Variants in TMEM37 observed in about 807,000 individuals in gnomAD.
The protein encoded by TMEM37 is transmembrane protein 37, also known as voltage-dependent calcium channel gamma-like subunit.
Under a neutral mutation model 11.0 loss-of-function variants are expected in TMEM37, and 12 were observed. The observed-to-expected ratio is 1.09, with a 90% CI of 0.70 to 1.76. The LOEUF is 1.76. TMEM37 is among the 40% of genes most tolerant of loss of function. TMEM37 has a pLI of 0.00. For missense variants in TMEM37, 203 were observed against 251.2 expected (o/e 0.81, Z 1.30); for synonymous variants, 127 against 110.5 (o/e 1.15, Z -0.94).
chr2:119,430,608 C>T (rs1682374792), upstream of TMEM37, among the ~76,000 whole-genome samples: 1 of 152,254 alleles, frequency 6.6e-6, no homozygotes, highest in African/African-American at 2.4e-5. Flanking sequence ...TCACATGGCT[C>T]TAAAGGGGAA....
Position 119,436,980 on chromosome 2 carries a change from T to C in TMEM37, c.113T>C (p.Val38Ala), listed in dbSNP as rs1682509804. Residue 38 changes from valine (V) to alanine (A), a missense_variant, in exon 2 of 2, where the codon GTG (valine) becomes GCG (alanine). By Grantham distance (64) the Val-to-Ala change is moderately conservative (BLOSUM62 0). Transcript: ENST00000306406. Reference protein sequence around the residue: ...TLIITCVALAVVLSSVSICDG... With the variant: ...TLIITCVALAAVLSSVSICDG... ...ATCATCACGTGTGTGGCCCTGGCTG[T>C]GGTCCTGTCCTCGGTCTCCATTTGT... is the stretch of plus-strand genomic sequence containing the variant. 6.2e-7 allele frequency: 1 copy of C among 1,614,264 alleles called. No homozygotes were observed. Among genetic ancestry groups the C allele is most frequent in the Non-Finnish European group, 8.5e-7 (1 of 1,180,046 alleles).
chr2:119,434,997 T>C lies in TMEM37; in HGVS notation c.22-1892T>C, dbSNP rs1450522589. 2.0e-5 allele frequency among the ~76,000 whole-genome samples: 3 copies of C among 152,210 alleles called. No individual in the cohort carries two copies. The East Asian group carries it at 5.8e-4, about 29-fold the overall frequency. ...AACGGATTCCACCTCCTGCATATCA[T>C]ACAATTGTCTGGGCAGCCATAAAGA... On this transcript the variant is annotated intron_variant, in intron 1 of 1. Coordinates refer to ENST00000306406, the MANE Select transcript of TMEM37 (RefSeq NM_183240.3).
At position 119,437,576 on chromosome 2, in the gene TMEM37, TA is replaced by T. The variant is rs1682528408; in HGVS notation, c.*138del. 1 of 1,222,044 alleles carries T rather than the reference TA, an allele frequency of 8.2e-7. No homozygotes were observed. The highest frequency in any genetic ancestry group is 1.5e-5 in the African/African-American group (1 of 65,930). 75.7% of individuals were successfully genotyped at this position (1,222,044 alleles called of 1,614,324 possible). On this transcript the variant is annotated 3_prime_UTR_variant, in exon 2 of 2. Transcript: ENST00000306406. ...CTTGAAACGGCTGCCTGTTTGCCGA[TA>T]ACTTGTGGGTGGTCAGCCAGAAATG...
At chr2:119,430,097 T>C (rs912803779), upstream of TMEM37, 51 of 897,270 alleles carry the variant, frequency 5.7e-5, no homozygotes, top group African/African-American at 8.0e-4. Context: ...GTGGGCTCTT[T>C]ATCCAGAACC....
In TMEM37 at chr2:119,431,864, C is replaced by A; in HGVS notation, c.-40C>A. On this transcript the variant is annotated 5_prime_UTR_variant, in exon 1 of 2. The change creates a new upstream start codon in the 5' untranslated region. Transcript: ENST00000306406. Reference sequence around the variant, plus strand: ...GGCGCCGGCGGCCACAGCGGAGCAGCTGGAGCGATCGAGGCTGCAGCGCGG... The same window carrying A: ...GGCGCCGGCGGCCACAGCGGAGCAGATGGAGCGATCGAGGCTGCAGCGCGG... The A allele has an allele frequency of 8.1e-7, 1 of 1,233,822 alleles. No homozygotes were observed. Among genetic ancestry groups the A allele is most frequent in the Non-Finnish European group, 1.0e-6 (1 of 989,668 alleles). The allele number at this position is 1,233,822 out of a possible 1,614,324, so 76.4% of individuals were successfully genotyped here.
intron 1 of TMEM37, among the ~76,000 whole-genome samples, chr2:119,433,389 G>A (rs1052249622): frequency 1.1e-4 from 17 of 152,252 alleles, no homozygotes; most frequent in African/African-American, 3.6e-4. Flanking sequence ...CTCATCAGGA[G>A]GCTGTGAACT....
intron 1 of TMEM37, among the ~76,000 whole-genome samples, chr2:119,435,874 G>A (rs1229820702): frequency 6.6e-6 from 1 of 152,192 alleles, no homozygotes; most frequent in African/African-American, 2.4e-5. Flanking sequence ...GAGAAGAGGT[G>A]TTGTCCTGGA....
At chr2:119,434,579 C>T (rs891005421) in intron 1 of TMEM37, among the ~76,000 whole-genome samples, 12 of 152,032 alleles carry the variant, frequency 7.9e-5, no homozygotes, top group African/African-American at 2.9e-4. Context: ...GCTTCCCTGC[C>T]CACCCGGCTT....
chr2:119,430,097 T>A, upstream of TMEM37: 1 of 897,270 alleles, frequency 1.1e-6, no homozygotes, highest in Non-Finnish European at 1.7e-6. Context: ...GTGGGCTCTT[T>A]ATCCAGAACC....
At chr2:119,436,332 C>T (rs550939527) in intron 1 of TMEM37, among the ~76,000 whole-genome samples, 13 of 152,274 alleles carry the variant, frequency 8.5e-5, no homozygotes, top group Admixed American at 3.3e-4. Flanking sequence ...CCAAGAAAAA[C>T]GAGGCAATAA....
intron 1 of TMEM37, among the ~76,000 whole-genome samples, chr2:119,434,458 T>C (rs1272188619): frequency 8.1e-6 from 1 of 123,684 alleles, no homozygotes; most frequent in Non-Finnish European, 1.6e-5. Flanking sequence ...TACCGGTAGA[T>C]TTTTTTTTTT....
At chr2:119,434,603 C>G (rs751942798) in intron 1 of TMEM37, among the ~76,000 whole-genome samples, 22 of 152,122 alleles carry the variant, frequency 1.4e-4, no homozygotes, top group Non-Finnish European at 2.1e-4. Flanking sequence ...CACTGGAAGC[C>G]CCACCAGGAG....
chr2:119,431,902 G>A lies in TMEM37; in HGVS notation c.-2G>A, dbSNP rs1171022423. On this transcript the variant is annotated 5_prime_UTR_variant, in exon 1 of 2. Coordinates refer to ENST00000306406, the MANE Select transcript of TMEM37 (RefSeq NM_183240.3). ...GGCTGCAGCGCGGCCGCCGGGCGCA[G>A]CATGACTGCCGTCGGCGTGCAGGTA... The A allele has an allele frequency of 2.7e-5, 33 of 1,226,456 alleles. No individual in the cohort carries two copies. The highest frequency in any genetic ancestry group is 3.1e-5 in the Non-Finnish European group (31 of 984,752). 76.0% of individuals were successfully genotyped at this position (1,226,456 alleles called of 1,614,324 possible).
intron 1 of TMEM37, among the ~76,000 whole-genome samples, chr2:119,432,476 G>T (rs1455637708): frequency 6.6e-6 from 1 of 152,134 alleles, no homozygotes; most frequent in East Asian, 1.9e-4. Flanking sequence ...CTCAGGGAAA[G>T]GCTCTGGCGA....
chr2:119,430,590 CCT>C (rs1184971816), upstream of TMEM37, among the ~76,000 whole-genome samples: 2 of 152,208 alleles, frequency 1.3e-5, no homozygotes, highest in Non-Finnish European at 2.9e-5. Flanking sequence ...TGTAACTACC[CCT>C]CTTTCTCACA....
rs944407962 is a variant in TMEM37, at chr2:119,437,117, C to T, written c.250C>T (p.Leu84=). 3 of 1,613,950 alleles carry T rather than the reference C, an allele frequency of 1.9e-6. No individual in the cohort carries two copies. The highest frequency in any genetic ancestry group is 2.7e-5 in the African/African-American group (2 of 74,946). The change falls in exon 2 of 2, where the codon CTG becomes TTG. Residue 84 remains leucine, a synonymous_variant. Transcript: ENST00000306406. ...CCTGGGCCAGGCCCATGTGCCCGGG[C>T]TGGCCGTGGGCATGGGCCTGGTACG... ...RDLGQAHVPG[L]AVGMGLVRSV... is the part of the protein sequence containing the mutation.
chr2:119,430,163 G>C (rs1682365542), upstream of TMEM37: 3 of 639,256 alleles, frequency 4.7e-6, no homozygotes, highest in African/African-American at 3.6e-5. Flanking sequence ...AAGCAGGTGG[G>C]GGCCACGGAG....
intron 1 of TMEM37, among the ~76,000 whole-genome samples, chr2:119,436,089 C>G (rs1001291277): frequency 6.6e-6 from 1 of 152,120 alleles, no homozygotes; most frequent in Non-Finnish European, 1.5e-5. Flanking sequence ...GGGTGCAGTG[C>G]CCGGGTGGTG....
rs779100217 is a variant in TMEM37, at chr2:119,436,912, G to A, written c.45G>A (p.Arg15=). ...GVQAQRPLGQ[R]QPRRSFFESF... Reference sequence around the variant, plus strand: ...AGGCCCAGAGGCCTTTGGGCCAAAGGCAGCCCCGCCGGTCCTTCTTTGAAT... The same window carrying A: ...AGGCCCAGAGGCCTTTGGGCCAAAGACAGCCCCGCCGGTCCTTCTTTGAAT... The change falls in exon 2 of 2, where the codon AGG becomes AGA. Residue 15 remains arginine, a synonymous_variant. Coordinates refer to ENST00000306406, the MANE Select transcript of TMEM37 (RefSeq NM_183240.3). 33 of 1,613,778 alleles carry A rather than the reference G, an allele frequency of 2.0e-5. No homozygotes were observed. Among genetic ancestry groups the A allele is most frequent in the Non-Finnish European group, 2.7e-5 (32 of 1,179,894 alleles).
Sources: allele counts gnomAD v4.1 joint callset (sites outside exome capture counted in the v4.1 genomes callset), GRCh38; gene constraint gnomAD v4.1.1; transcripts MANE v1.5; gene names NCBI Gene and HGNC (gene_info 2026-07-23, HGNC 2026-07-21).